HMGCLL1: variants seen among roughly 807,000 people sequenced by gnomAD.
HMGCLL1 encodes 3-hydroxy-3-methylglutaryl-CoA lyase like 1.
HMGCLL1 carries 36 observed loss-of-function variants against 39.1 expected under a neutral mutation model. The observed-to-expected ratio is 0.92, with a 90% CI of 0.71 to 1.22. HMGCLL1 has a LOEUF of 1.22. Ranked by LOEUF, HMGCLL1 falls within the 50% of genes most tolerant of loss-of-function variation. HMGCLL1 has a pLI of 0.00. For synonymous variants in HMGCLL1, 149 were observed against 144.0 expected, an observed-to-expected ratio of 1.03 and a Z score of -0.25; for missense variants, 451 against 416.5, an observed-to-expected ratio of 1.08 and a Z score of -0.72.
chr6:55,551,724 C>G (rs1347133014), intron 1 of HMGCLL1, among the ~76,000 whole-genome samples: 1 of 152,008 alleles, frequency 6.6e-6, no homozygotes, highest in African/African-American at 2.4e-5. Context: ...TGACACTAAG[C>G]TACCATAAAT....
the HMGCLL1 span, among the ~76,000 whole-genome samples, chr6:55,651,542 C>T: frequency 6.6e-6 from 1 of 152,080 alleles, no homozygotes; most frequent in Non-Finnish European, 1.5e-5. Context: ...AGCTGCGCTG[C>T]CTGGGGTTGG....
At chr6:55,507,449 A>T (rs538111093) in intron 5 of HMGCLL1, among the ~76,000 whole-genome samples, 2 of 151,468 alleles carry the variant, frequency 1.3e-5, no homozygotes, top group Non-Finnish European at 1.5e-5. Flanking sequence ...TCAATATCTG[A>T]ATATGTTCCC....
At chr6:55,496,501 T>A (rs1206717825) in intron 6 of HMGCLL1, among the ~76,000 whole-genome samples, 1 of 152,160 alleles carries the variant, frequency 6.6e-6, no homozygotes, top group East Asian at 1.9e-4. Flanking sequence ...AGTGAGGGTA[T>A]CCACTTAAAA....
At chr6:55,609,633 G>C in the HMGCLL1 span, among the ~76,000 whole-genome samples, 6 of 149,266 alleles carry the variant, frequency 4.0e-5, no homozygotes, top group Non-Finnish European at 8.9e-5. Flanking sequence ...CCTGACAAGT[G>C]GGTTTCCCCC....
chr6:55,622,182 G>GT, the HMGCLL1 span, among the ~76,000 whole-genome samples: 1 of 151,980 alleles, frequency 6.6e-6, no homozygotes, highest in East Asian at 1.9e-4. Flanking sequence ...TAGAGTCATT[G>GT]TTTTTTCCAA....
At chr6:55,574,932 C>G (rs1022074662) in intron 1 of HMGCLL1, among the ~76,000 whole-genome samples, 1 of 151,820 alleles carries the variant, frequency 6.6e-6, no homozygotes, top group Non-Finnish European at 1.5e-5. Flanking sequence ...ACATAATCTA[C>G]TACTTTATTT....
At chr6:55,639,014 CTAAT>C in the HMGCLL1 span, among the ~76,000 whole-genome samples, 1 of 151,992 alleles carries the variant, frequency 6.6e-6, no homozygotes, top group Non-Finnish European at 1.5e-5. Flanking sequence ...GATAAACAGA[CTAAT>C]TATTTAGTTA....
intron 7 of HMGCLL1, among the ~76,000 whole-genome samples, chr6:55,465,049 T>C (rs1309927784): frequency 6.6e-6 from 1 of 152,216 alleles, no homozygotes; most frequent in African/African-American, 2.4e-5. Flanking sequence ...ATTATATATC[T>C]AGTCATTTAT....
At chr6:55,516,638 C>A in intron 3 of HMGCLL1, 35 bp from the exon 4 acceptor site, 1 of 1,350,400 alleles carries the variant, frequency 7.4e-7, no homozygotes, top group Non-Finnish European at 1.0e-6. Context: ...AAATGTGTAA[C>A]TTCGAATATG....
intron 1 of HMGCLL1, chr6:55,566,653 T>C (rs1198895279): frequency 4.4e-6 from 2 of 455,872 alleles, no homozygotes; most frequent in African/African-American, 4.0e-5. Flanking sequence ...CATGTGAACA[T>C]GCATATTGTG....
chr6:55,568,648 CTG>C (rs1349987321), intron 1 of HMGCLL1, among the ~76,000 whole-genome samples: 1 of 152,118 alleles, frequency 6.6e-6, no homozygotes, highest in Non-Finnish European at 1.5e-5. Context: ...TGGTGGGAAA[CTG>C]GGATTCTAAA....
intron 7 of HMGCLL1, among the ~76,000 whole-genome samples, chr6:55,477,307 T>TG (rs1765440014): frequency 5.7e-5 from 1 of 17,576 alleles, no homozygotes; most frequent in African/African-American, 4.3e-4. Flanking sequence ...ATATATATTA[T>TG]ATATATAATA....
chr6:55,516,878 A>G (rs1053906033), intron 3 of HMGCLL1, among the ~76,000 whole-genome samples: 4 of 152,038 alleles, frequency 2.6e-5, no homozygotes, highest in Admixed American at 1.3e-4. Flanking sequence ...CACTTAACCA[A>G]TCTTTATTCC....
intron 1 of HMGCLL1, among the ~76,000 whole-genome samples, chr6:55,573,851 A>G (rs978750565): frequency 7.9e-5 from 12 of 152,148 alleles, no homozygotes; most frequent in African/African-American, 2.7e-4. Context: ...AGTGTTGTAC[A>G]TTATTAGCCA....
Position 55,482,908 on chromosome 6 carries a change from A to G in HMGCLL1, c.795+12511T>C, listed in dbSNP as rs1765819199. On this transcript the variant is annotated intron_variant, in intron 7 of 8. Coordinates refer to ENST00000274901, the MANE Select transcript of HMGCLL1 (RefSeq NM_001042406.2). ...TTTAAACTTTTATATGCAAATAAAT[A>G]TAAGAATGTTATGAAAAATTTGAAT... Among the ~76,000 whole-genome samples, 3 of 152,136 alleles carry G rather than the reference A, an allele frequency of 2.0e-5. 1 individual carries two copies. The highest frequency in any genetic ancestry group is 6.6e-5 in the Admixed American group (1 of 15,250).
At chr6:55,632,268 G>T in the HMGCLL1 span, among the ~76,000 whole-genome samples, 4 of 151,840 alleles carry the variant, frequency 2.6e-5, no homozygotes, top group African/African-American at 9.7e-5. Context: ...ACATAATAAA[G>T]AAACTTGTAC....
At chr6:55,480,646 T>A (rs1028414860) in intron 7 of HMGCLL1, among the ~76,000 whole-genome samples, 3 of 151,620 alleles carry the variant, frequency 2.0e-5, no homozygotes, top group Non-Finnish European at 4.4e-5. Context: ...ATATTCAAAA[T>A]AAAGGAAATT....
intron 7 of HMGCLL1, among the ~76,000 whole-genome samples, chr6:55,453,772 G>T (rs1764204580): frequency 6.6e-6 from 1 of 152,178 alleles, no homozygotes; most frequent in Admixed American, 6.5e-5. Flanking sequence ...TAAGGAAAAA[G>T]ATTGTTGTTA....
the HMGCLL1 span, among the ~76,000 whole-genome samples, chr6:55,607,556 C>T: frequency 1.3e-5 from 2 of 152,046 alleles, no homozygotes; most frequent in African/African-American, 2.4e-5. Flanking sequence ...TTCTCACGGC[C>T]GCCCACACAG....
Sources: allele counts gnomAD v4.1 joint callset (sites outside exome capture counted in the v4.1 genomes callset), GRCh38; gene constraint gnomAD v4.1.1; transcripts MANE v1.5; gene names NCBI Gene and HGNC (gene_info 2026-07-23, HGNC 2026-07-21).